Variants in NGEF observed in about 807,000 individuals in gnomAD.
The protein encoded by NGEF is ephexin-1.
In NGEF, 31 loss-of-function variants were observed where a neutral mutation model predicts 80.9. That is an observed-to-expected ratio of 0.38 (90% confidence interval 0.29 to 0.52). NGEF has a LOEUF of 0.52. Ranked by LOEUF, NGEF falls within the 20% of genes least tolerant of loss-of-function variation. The pLI, the probability that NGEF is intolerant of heterozygous loss-of-function variation, is 0.84. For synonymous variants in NGEF, 371 were observed against 370.2 expected, an observed-to-expected ratio of 1.00 and a Z score of -0.03; for missense variants, 709 against 926.2, an observed-to-expected ratio of 0.77 and a Z score of 3.04.
intron 1 of NGEF, among the ~76,000 whole-genome samples, chr2:232,983,898 C>G (rs1204489479): frequency 6.6e-6 from 1 of 152,170 alleles, no homozygotes; most frequent in African/African-American, 2.4e-5. Flanking sequence ...AGCTGGGCCC[C>G]GAGTCCGGGC....
intron 3 of NGEF, among the ~76,000 whole-genome samples, chr2:232,932,972 G>A (rs1693247884): frequency 1.3e-5 from 2 of 151,960 alleles, no homozygotes; most frequent in Admixed American, 1.3e-4. Flanking sequence ...AGCTCAGCAT[G>A]GTGGTAGGTG....
chr2:232,922,609 A>G (rs1692969225), intron 4 of NGEF, among the ~76,000 whole-genome samples: 1 of 152,252 alleles, frequency 6.6e-6, no homozygotes, highest in African/African-American at 2.4e-5. Flanking sequence ...TAGGCCGACT[A>G]TTGCGACGTC....
At chr2:232,972,825 T>G (rs1694222983) in intron 2 of NGEF, among the ~76,000 whole-genome samples, 1 of 150,968 alleles carries the variant, frequency 6.6e-6, no homozygotes, top group South Asian at 2.1e-4. Context: ...GGCATGGTTT[T>G]GGTTCACTGC....
chr2:232,905,177 A>G (rs1260240384), intron 5 of NGEF, among the ~76,000 whole-genome samples: 1 of 151,630 alleles, frequency 6.6e-6, no homozygotes, highest in Non-Finnish European at 1.5e-5. Context: ...TCCTGCTGCC[A>G]TCTCGGCTCA....
chr2:232,964,988 A>G (rs1694027117), intron 3 of NGEF, among the ~76,000 whole-genome samples: 1 of 152,256 alleles, frequency 6.6e-6, no homozygotes, highest in Non-Finnish European at 1.5e-5. Flanking sequence ...GTAAAAATTC[A>G]TCAAGCTACA....
chr2:232,906,806 C>T (rs1559204207), intron 5 of NGEF, among the ~76,000 whole-genome samples: 1 of 151,730 alleles, frequency 6.6e-6, no homozygotes, highest in Non-Finnish European at 1.5e-5. Context: ...AAGTAGTAGA[C>T]ATGGGAGACT....
At chr2:232,942,586 G>T (rs1364513011) in intron 3 of NGEF, among the ~76,000 whole-genome samples, 1 of 152,128 alleles carries the variant, frequency 6.6e-6, no homozygotes, top group Admixed American at 6.5e-5. Flanking sequence ...GCCTGTAAAT[G>T]GGAATGCTCT....
chr2:232,879,420 G>GCGCCCCC lies in NGEF; in HGVS notation c.*68_*69insGGGGGCG. 1 of 1,228,156 alleles carries GCGCCCCC rather than the reference G, an allele frequency of 8.1e-7. No individual in the cohort carries two copies. Among genetic ancestry groups the GCGCCCCC allele is most frequent in the Non-Finnish European group, 1.1e-6 (1 of 888,930 alleles). 76.1% of individuals were successfully genotyped at this position (1,228,156 alleles called of 1,614,324 possible). A position where few individuals can be genotyped will look rare whatever the true frequency, so the allele number is the denominator to read the frequency against. On this transcript the variant is annotated 3_prime_UTR_variant, in exon 15 of 15. Coordinates refer to ENST00000264051, the MANE Select transcript of NGEF (RefSeq NM_019850.3). ...GAGGTGCTGGCCTGTGCTTCCCAGA[G>GCGCCCCC]CCCCCCCCCCCCCACCTTCTGTCGG...
intron 14 of NGEF, among the ~76,000 whole-genome samples, 168 bp from the exon 15 acceptor site, chr2:232,879,847 A>C (rs1015456148): frequency 2.6e-5 from 4 of 152,308 alleles, no homozygotes; most frequent in Admixed American, 2.6e-4. Flanking sequence ...CTCAGACTGG[A>C]GTCACCCCCA....
intron 1 of NGEF, among the ~76,000 whole-genome samples, chr2:232,992,219 G>A (rs377277017): frequency 4.1e-4 from 62 of 152,170 alleles, no homozygotes; most frequent in African/African-American, 1.3e-3. Context: ...TAAATTGGAC[G>A]TCATCAAAAT....
In NGEF at chr2:232,881,117, G is replaced by A. The variant is rs369252926; in HGVS notation, c.1942+29C>T. 225 of 1,595,882 alleles carry A rather than the reference G, an allele frequency of 1.4e-4. 4 individuals carry two copies. In the Middle Eastern group the frequency reaches 0.011, roughly 75 times the overall value. The stretch of plus-strand genomic sequence containing the variant: ...CCCTTGTGGGGCAAGTTCCCCTGGG[G>A]GCCCCGAGGGGAGGTCCCTGGGCCT... On this transcript the variant is annotated intron_variant, in intron 14 of 14. Transcript: ENST00000264051.
intron 5 of NGEF, among the ~76,000 whole-genome samples, chr2:232,913,974 A>T (rs1348854268): frequency 6.6e-6 from 1 of 152,128 alleles, no homozygotes; most frequent in Non-Finnish European, 1.5e-5. Context: ...CCTAATTTTC[A>T]GATTTGGTTA....
chr2:232,883,338 G>A lies in NGEF; in HGVS notation c.1730C>T (p.Ala577Val). Residue 577 changes from alanine to valine, a missense_variant, in exon 12 of 15, where the codon GCC (alanine) becomes GTC (valine). Ala to Val is a moderately conservative substitution (Grantham distance 64). This residue lies in a region of NGEF where 426 missense variants were observed against 622.9 expected (regional missense o/e 0.68). Transcript: ENST00000264051. ...AGAGGACGCCTTTAGCATGTAGGTG[G>A]CCTCCCGGTCATCTGCGTTCTCCAG... is the stretch of plus-strand genomic sequence containing the variant. ...RLLENADDRE[A>V]TYMLKASSQS... 1 of 1,610,514 alleles carries A rather than the reference G, an allele frequency of 6.2e-7. No individual in the cohort carries two copies. The highest frequency in any genetic ancestry group is 8.5e-7 in the Non-Finnish European group (1 of 1,177,944).
intron 3 of NGEF, among the ~76,000 whole-genome samples, chr2:232,960,295 C>A (rs1448190436): frequency 6.6e-6 from 1 of 152,170 alleles, no homozygotes; most frequent in African/African-American, 2.4e-5. Flanking sequence ...ATTTCTGGGA[C>A]TAGAACCCTG....
chr2:232,996,051 C>T (rs1348101624), intron 1 of NGEF, among the ~76,000 whole-genome samples: 1 of 151,914 alleles, frequency 6.6e-6, no homozygotes, highest in East Asian at 1.9e-4. Context: ...CTTCCCTAAG[C>T]TTCCTGGCAG....
rs370768595 is a variant in NGEF at position 232,883,344 on chromosome 2, C to T, written c.1724G>A (p.Arg575Gln). 5 of 1,611,396 alleles carry T rather than the reference C, an allele frequency of 3.1e-6. No homozygotes were observed. Among genetic ancestry groups the T allele is most frequent in the South Asian group, 1.1e-5 (1 of 90,736 alleles). Residue 575 changes from arginine to glutamine, a missense_variant, in exon 12 of 15, where the codon CGG becomes CAG. By Grantham distance (43) the Arg-to-Gln change is conservative. Transcript: ENST00000264051. ...CGCCTTTAGCATGTAGGTGGCCTCC[C>T]GGTCATCTGCGTTCTCCAGCAGCCG... ...ILRLLENADDREATYMLKASS... is the reference protein window; with the variant it reads ...ILRLLENADDQEATYMLKASS...
intron 9 of NGEF, 82 bp downstream of exon 9, chr2:232,887,949 CAT>C: frequency 9.9e-7 from 1 of 1,013,618 alleles, no homozygotes; most frequent in Non-Finnish European, 1.6e-6. Flanking sequence ...GACACACGGA[CAT>C]GTGGGGAGCA....
chr2:232,895,616 C>G (rs891725452), intron 5 of NGEF, among the ~76,000 whole-genome samples: 1 of 151,894 alleles, frequency 6.6e-6, no homozygotes, highest in Non-Finnish European at 1.5e-5. Context: ...CTAGTGGGTG[C>G]GAAAGTCAGC....
chr2:233,009,596 T>G (rs1695159898), intron 1 of NGEF, among the ~76,000 whole-genome samples: 2 of 150,782 alleles, frequency 1.3e-5, no homozygotes, highest in Non-Finnish European at 1.5e-5. Context: ...TGTAAGAGTT[T>G]GGGATGAGCC....
Sources: gnomAD v4.1 joint callset for allele counts (sites outside exome capture counted in the v4.1 genomes callset) on GRCh38, gnomAD v4.1.1 for gene constraint, gnomAD v4.1.1 regional missense constraint, MANE v1.5 for transcripts, NCBI Gene and HGNC (gene_info 2026-07-23, HGNC 2026-07-21) for gene names.